Variants in SLC4A4 observed in about 807,000 individuals in gnomAD.
SLC4A4 encodes solute carrier family 4 member 4.
Under a neutral mutation model 111.5 loss-of-function variants are expected in SLC4A4, and 27 were observed. The ratio of observed to expected loss-of-function variants is 0.24; its 90% CI spans 0.18 to 0.33. The LOEUF is 0.33. Among genes scored for constraint, SLC4A4 ranks in the 10% least tolerant of loss-of-function variants. The pLI, the probability that SLC4A4 is intolerant of heterozygous loss-of-function variation, is 1.00. For missense variants in SLC4A4, 909 were observed against 1,315.5 expected (o/e 0.69, Z 4.78); for synonymous variants, 443 against 463.4 (o/e 0.96, Z 0.57).
At chr4:71,373,685 T>A (rs1732088228) in intron 6 of SLC4A4, among the ~76,000 whole-genome samples, 1 of 152,132 alleles carries the variant, frequency 6.6e-6, no homozygotes, top group Non-Finnish European at 1.5e-5. Context: ...GAACTTTATG[T>A]TAGGGAAATT....
At position 71,432,317 on chromosome 4, in the gene SLC4A4, C is replaced by T. The variant is rs141468523; in HGVS notation, c.808-8299C>T. Among the ~76,000 whole-genome samples the T allele has an allele frequency of 3.0e-3, 457 of 152,222 alleles. 4 individuals are homozygous for T. Among genetic ancestry groups the T allele is most frequent in the Middle Eastern group, 6.8e-3 (2 of 294 alleles). ...GTTCTGTGTTAATAACGGGAACTCTCTCTGGAGAGAGTTTGAGGAAGATTA... is the reference window on the plus strand; with the variant it reads ...GTTCTGTGTTAATAACGGGAACTCTTTCTGGAGAGAGTTTGAGGAAGATTA... On this transcript the variant is annotated intron_variant, in intron 7 of 25. Transcript: ENST00000264485.
At chr4:71,149,862 A>G (rs2148971331) in intron 2 of SLC4A4, among the ~76,000 whole-genome samples, 1 of 152,238 alleles carries the variant, frequency 6.6e-6, no homozygotes, top group African/African-American at 2.4e-5. Context: ...ATATTTTTTG[A>G]TTCATCAAAT....
chr4:71,369,126 G>A (rs1731612661), intron 6 of SLC4A4, among the ~76,000 whole-genome samples: 2 of 152,180 alleles, frequency 1.3e-5, no homozygotes, highest in African/African-American at 2.4e-5. Flanking sequence ...CACTCCCAGC[G>A]TGGGATGGCT....
intron 1 of SLC4A4, among the ~76,000 whole-genome samples, chr4:71,197,088 A>C (rs1746045009): frequency 6.7e-6 from 1 of 149,530 alleles, no homozygotes; most frequent in South Asian, 2.1e-4. Context: ...GGTGGTGGGC[A>C]CCTGTAATCC....
chr4:71,565,359 T>C (rs570120385), intron 24 of SLC4A4, among the ~76,000 whole-genome samples: 1 of 151,760 alleles, frequency 6.6e-6, no homozygotes, highest in Non-Finnish European at 1.5e-5. Flanking sequence ...ATGGTCTTTT[T>C]TCTGTAACTG....
At chr4:71,356,356 C>T (rs1229976306) in intron 5 of SLC4A4, among the ~76,000 whole-genome samples, 1 of 152,110 alleles carries the variant, frequency 6.6e-6, no homozygotes, top group Non-Finnish European at 1.5e-5. Flanking sequence ...AAATTTCAGT[C>T]AGTTTATACT....
At chr4:71,187,443 G>A (rs1312427631) in intron 1 of SLC4A4, 42 bp downstream of exon 1, 4 of 152,250 alleles carry the variant, frequency 2.6e-5, no homozygotes, top group African/African-American at 9.7e-5. Context: ...GGTCGATGGG[G>A]TCCCTCGCTC....
At chr4:71,176,048 C>G (rs948585252) in intron 2 of SLC4A4, among the ~76,000 whole-genome samples, 6 of 152,210 alleles carry the variant, frequency 3.9e-5, no homozygotes, top group Non-Finnish European at 5.9e-5. Context: ...GCTTCCGCTG[C>G]TGATACCCAG....
intron 2 of SLC4A4, among the ~76,000 whole-genome samples, chr4:71,181,507 TAC>T (rs1379021735): frequency 6.6e-6 from 1 of 152,186 alleles, no homozygotes; most frequent in Non-Finnish European, 1.5e-5. Context: ...TGCAAATAAA[TAC>T]ACAGATAGAG....
intron 3 of SLC4A4, among the ~76,000 whole-genome samples, chr4:71,297,136 G>A (rs952528851): frequency 6.6e-6 from 1 of 152,154 alleles, no homozygotes; most frequent in Non-Finnish European, 1.5e-5. Flanking sequence ...TTGGGAGGAG[G>A]CCCAAGACAA....
Position 71,497,674 on chromosome 4 carries a change from T to C in SLC4A4, c.2148T>C (p.Ser716=), listed in dbSNP as rs778445034. The change falls in exon 16 of 26, where the codon AGT becomes AGC. Residue 716 remains serine (S), a synonymous_variant. Transcript: ENST00000264485. ...SSMALKKFKT[S]PYFPTTARKL... is the part of the protein sequence containing the mutation. ...TGGCTCTGAAAAAATTCAAAACTAG[T>C]CCTTATTTTCCAACCACAGTAAGTA... 15 of 1,612,814 alleles carry C rather than the reference T, an allele frequency of 9.3e-6. No homozygotes were observed. The highest frequency in any genetic ancestry group is 1.3e-5 in the Non-Finnish European group (15 of 1,179,154).
At chr4:71,451,097 TC>T in intron 10 of SLC4A4, 90 bp from the exon 11 acceptor site, 1 of 838,362 alleles carries the variant, frequency 1.2e-6, no homozygotes, top group Non-Finnish European at 2.1e-6. Context: ...GGGTTTTCAC[TC>T]CATCTCCCCA....
chr4:71,162,903 C>T (rs1227717955), intron 2 of SLC4A4, among the ~76,000 whole-genome samples: 1 of 152,096 alleles, frequency 6.6e-6, no homozygotes, highest in Non-Finnish European at 1.5e-5. Flanking sequence ...TTGTATATGC[C>T]ATGTTTGGGA....
chr4:71,250,845 C>T (rs1417286594), intron 2 of SLC4A4, among the ~76,000 whole-genome samples: 3 of 152,126 alleles, frequency 2.0e-5, no homozygotes, highest in Non-Finnish European at 2.9e-5. Flanking sequence ...CATATTTCTC[C>T]TGTGGGGTTT....
At chr4:71,331,729 G>GAA (rs199726678) in intron 3 of SLC4A4, among the ~76,000 whole-genome samples, 62 of 120,328 alleles carry the variant, frequency 5.2e-4, no homozygotes, top group African/African-American at 1.0e-3. Flanking sequence ...TTAAAGTATT[G>GAA]AAAAAAAAAA....
chr4:71,161,547 T>A (rs1300550882), intron 2 of SLC4A4, among the ~76,000 whole-genome samples: 1 of 152,242 alleles, frequency 6.6e-6, no homozygotes, highest in African/African-American at 2.4e-5. Flanking sequence ...ATTGCCTACA[T>A]GTGTATTCAT....
At chr4:71,335,446 G>C (rs1728354717) in intron 3 of SLC4A4, among the ~76,000 whole-genome samples, 1 of 152,002 alleles carries the variant, frequency 6.6e-6, no homozygotes, top group Non-Finnish European at 1.5e-5. Flanking sequence ...AAAATAGTTA[G>C]ACTTCCCATT....
intron 13 of SLC4A4, among the ~76,000 whole-genome samples, chr4:71,468,794 C>T (rs190439762): frequency 3.3e-5 from 5 of 151,600 alleles, no homozygotes; most frequent in South Asian, 4.1e-4. Flanking sequence ...CTATATACCC[C>T]CCTCTTGGTA....
chr4:71,527,726 T>G (rs768509501), intron 16 of SLC4A4, among the ~76,000 whole-genome samples: 2 of 152,138 alleles, frequency 1.3e-5, no homozygotes, highest in South Asian at 4.1e-4. Flanking sequence ...GCTATCTGCC[T>G]TTTAAATAAC....
Sources: gnomAD v4.1 joint callset for allele counts (sites outside exome capture counted in the v4.1 genomes callset) on GRCh38, gnomAD v4.1.1 for gene constraint, MANE v1.5 for transcripts, NCBI Gene and HGNC (gene_info 2026-07-23, HGNC 2026-07-21) for gene names.